PBX1: variants seen among roughly 807,000 people sequenced by gnomAD.
PBX1 encodes pre-B-cell leukemia transcription factor 1.
Under a neutral mutation model 53.4 loss-of-function variants are expected in PBX1, and 6 were observed. The observed-to-expected ratio is 0.11, with a 90% confidence interval of 0.06 to 0.22. The LOEUF is 0.22. Among genes scored for constraint, PBX1 ranks in the 10% least tolerant of loss-of-function variants. The pLI is 1.00. For missense variants in PBX1, 251 were observed against 551.4 expected, an observed-to-expected ratio of 0.46 and a Z score of 5.46; for synonymous variants, 204 against 212.3, an observed-to-expected ratio of 0.96 and a Z score of 0.34.
intron 2 of PBX1, among the ~76,000 whole-genome samples, chr1:164,643,320 C>T (rs953194729): frequency 2.0e-5 from 3 of 152,000 alleles, no homozygotes. Context: ...GACGTGGTGT[C>T]GTGGTGGAAG....
At chr1:164,589,939 T>C (rs1655246912) in intron 2 of PBX1, among the ~76,000 whole-genome samples, 1 of 152,192 alleles carries the variant, frequency 6.6e-6, no homozygotes, top group African/African-American at 2.4e-5. Flanking sequence ...CCAGGTGCGG[T>C]GGCTCATGTC....
intron 2 of PBX1, among the ~76,000 whole-genome samples, chr1:164,755,571 T>A (rs1321145889): frequency 6.6e-6 from 1 of 152,192 alleles, no homozygotes; most frequent in Non-Finnish European, 1.5e-5. Flanking sequence ...AGCATTTTTT[T>A]TTTAAAGAAA....
At chr1:164,606,891 T>C (rs1656595298) in intron 2 of PBX1, among the ~76,000 whole-genome samples, 1 of 152,268 alleles carries the variant, frequency 6.6e-6, no homozygotes, top group African/African-American at 2.4e-5. Flanking sequence ...CAGACTCTTA[T>C]AAAATCATTT....
At chr1:164,688,396 A>T (rs1428784590) in intron 2 of PBX1, among the ~76,000 whole-genome samples, 1 of 152,218 alleles carries the variant, frequency 6.6e-6, no homozygotes, top group Admixed American at 6.5e-5. Context: ...AACTTTTAAT[A>T]AAGTTGCAGG....
chr1:164,698,727 C>G (rs1662932689), intron 2 of PBX1, among the ~76,000 whole-genome samples: 1 of 152,198 alleles, frequency 6.6e-6, no homozygotes, highest in Non-Finnish European at 1.5e-5. Context: ...GTATGTTTAT[C>G]TGGCTTCCTA....
At position 164,590,177 on chromosome 1, in the gene PBX1, G is replaced by A. The variant is rs116902885; in HGVS notation, c.265+26866G>A. Reference sequence around the variant, plus strand: ...CAGTGAGCCGTGATCGTGCTGCTGTGCTCCAGCCTGGGCAACAGAGCGAGA... The same window carrying A: ...CAGTGAGCCGTGATCGTGCTGCTGTACTCCAGCCTGGGCAACAGAGCGAGA... On this transcript the variant is annotated intron_variant, in intron 2 of 8. Transcript: ENST00000420696. Among the ~76,000 whole-genome samples, 2,247 of 151,004 alleles carry A rather than the reference G, an allele frequency of 0.015. 231 individuals are homozygous for A. The East Asian group carries it at 0.28, about 19-fold the overall frequency.
At chr1:164,796,454 A>G (rs995885636) in intron 3 of PBX1, among the ~76,000 whole-genome samples, 2 of 152,158 alleles carry the variant, frequency 1.3e-5, no homozygotes, top group Non-Finnish European at 2.9e-5. Flanking sequence ...CTGTTGGGGA[A>G]TCAACAGGAC....
intron 2 of PBX1, among the ~76,000 whole-genome samples, chr1:164,712,031 G>A (rs150799372): frequency 5.0e-4 from 73 of 147,154 alleles, no homozygotes; most frequent in Middle Eastern, 7.2e-3. Context: ...CCCCCCCACC[G>A]TAAGAGAATC....
intron 2 of PBX1, among the ~76,000 whole-genome samples, chr1:164,778,517 G>A (rs928119715): frequency 1.6e-4 from 24 of 152,036 alleles, no homozygotes; most frequent in African/African-American, 5.8e-4. Flanking sequence ...TGTGCCTGTA[G>A]TCCCAGCTAC....
chr1:164,767,353 G>A (rs1667111379), intron 2 of PBX1, among the ~76,000 whole-genome samples: 1 of 152,116 alleles, frequency 6.6e-6, no homozygotes, highest in African/African-American at 2.4e-5. Flanking sequence ...TTCCACACAG[G>A]TCTCATGCTC....
chr1:164,650,330 T>C (rs1332610594), intron 2 of PBX1, among the ~76,000 whole-genome samples: 1 of 151,378 alleles, frequency 6.6e-6, no homozygotes, highest in Non-Finnish European at 1.5e-5. Flanking sequence ...CCAGGTTCAA[T>C]AGATTCTCCT....
At chr1:164,589,389 C>T (rs190969289) in intron 2 of PBX1, among the ~76,000 whole-genome samples, 229 of 152,148 alleles carry the variant, frequency 1.5e-3, no homozygotes, top group Non-Finnish European at 2.7e-3. Flanking sequence ...CTTCTCTTGA[C>T]CAGAAAATGA....
chr1:164,691,181 A>AT (rs1662460617), intron 2 of PBX1, among the ~76,000 whole-genome samples: 1 of 151,646 alleles, frequency 6.6e-6, no homozygotes, highest in Admixed American at 6.6e-5. Flanking sequence ...TGCCCGGCTA[A>AT]TTTTTGTATT....
chr1:164,572,029 C>G (rs751803165), intron 2 of PBX1, among the ~76,000 whole-genome samples: 5 of 150,494 alleles, frequency 3.3e-5, no homozygotes, highest in Admixed American at 6.6e-5. Flanking sequence ...GCCTCAGCCT[C>G]CTGAGTAGCT....
At chr1:164,620,913 C>T (rs1657629065) in intron 2 of PBX1, among the ~76,000 whole-genome samples, 1 of 152,086 alleles carries the variant, frequency 6.6e-6, no homozygotes, top group Non-Finnish European at 1.5e-5. Flanking sequence ...GAACTCCTGA[C>T]CTCAGGTGAT....
intron 2 of PBX1, among the ~76,000 whole-genome samples, chr1:164,655,745 T>C (rs1193808770): frequency 6.6e-6 from 1 of 152,230 alleles, no homozygotes; most frequent in Non-Finnish European, 1.5e-5. Flanking sequence ...GCTTTAGATT[T>C]GTAAAACATT....
intron 2 of PBX1, among the ~76,000 whole-genome samples, chr1:164,565,004 G>A (rs1653330368): frequency 6.6e-6 from 1 of 152,090 alleles, no homozygotes; most frequent in Admixed American, 6.6e-5. Context: ...ACTAAAGAGA[G>A]TCTATTTTTG....
At position 164,844,025 on chromosome 1, in the gene PBX1, C is replaced by T. The variant is rs183655632; in HGVS notation, c.1201-2559C>T. Reference sequence around the variant, plus strand: ...ATTGTTCCATGACCTATGACATGTACGCTCACTGCTTTCATAGAGCTTCCT... The same window carrying T: ...ATTGTTCCATGACCTATGACATGTATGCTCACTGCTTTCATAGAGCTTCCT... On this transcript the variant is annotated intron_variant, in intron 8 of 8. Transcript: ENST00000420696. 1.3e-3 allele frequency among the ~76,000 whole-genome samples: 192 copies of T among 151,890 alleles called. 1 individual carries two copies. The highest frequency in any genetic ancestry group is 4.2e-3 in the African/African-American group (176 of 41,442).
intron 6 of PBX1, chr1:164,813,997 T>C (rs1490566401): frequency 1.3e-5 from 2 of 152,210 alleles, no homozygotes; most frequent in Admixed American, 6.5e-5. Flanking sequence ...CTTCCAATTG[T>C]GCGTAAGTTG....
Sources: allele counts gnomAD v4.1 joint callset (sites outside exome capture counted in the v4.1 genomes callset), GRCh38; gene constraint gnomAD v4.1.1; transcripts MANE v1.5; gene names NCBI Gene and HGNC (gene_info 2026-07-23, HGNC 2026-07-21).